PUM3: variants seen among roughly 807,000 people sequenced by gnomAD.
PUM3 encodes pumilio RNA binding family member 3, also known as pumilio homolog 3.
A neutral mutation model predicts 84.0 loss-of-function variants in PUM3; 91 were observed. That is an observed-to-expected ratio of 1.08 (90% CI 0.91 to 1.29). PUM3 has a LOEUF of 1.29. Among genes scored for constraint, PUM3 ranks in the 50% most tolerant of loss-of-function variants. The pLI, the probability that PUM3 is intolerant of heterozygous loss-of-function variation, is 0.00. For synonymous variants in PUM3, 321 were observed against 266.7 expected (o/e 1.20, Z -1.98); for missense variants, 1,067 against 767.5 (o/e 1.39, Z -4.61).
At chr9:2,816,552 T>A (rs990966664) in intron 13 of PUM3, among the ~76,000 whole-genome samples, 1 of 152,208 alleles carries the variant, frequency 6.6e-6, no homozygotes, top group Admixed American at 6.5e-5. Context: ...AATGTGAAGA[T>A]CTATCGCCAT....
Position 2,829,745 on chromosome 9 carries a change from T to C in PUM3, c.852+29A>G, listed in dbSNP as rs757455982. 2.5e-5 allele frequency: 40 copies of C among 1,581,408 alleles called. 1 individual carries two copies. Among genetic ancestry groups the C allele is most frequent in the South Asian group, 8.0e-5 (7 of 87,942 alleles). ...GGAAGAGCATATCGAAAAGTAAAAA[T>C]ACTAGAAAAAGACTTCTGGAGATGT... On this transcript the variant is annotated intron_variant, in intron 8 of 17. Coordinates refer to ENST00000397885, the MANE Select transcript of PUM3 (RefSeq NM_014878.5).
At chr9:2,829,541 G>C (rs762727051) in intron 8 of PUM3, among the ~76,000 whole-genome samples, 8 of 152,190 alleles carry the variant, frequency 5.3e-5, no homozygotes, top group Non-Finnish European at 8.8e-5. Flanking sequence ...GCACTCAGGA[G>C]AGGAACAAAG....
intron 12 of PUM3, among the ~76,000 whole-genome samples, chr9:2,821,723 C>G (rs989172187): frequency 6.6e-6 from 1 of 152,106 alleles, no homozygotes; most frequent in African/African-American, 2.4e-5. Context: ...ATTTAAAATG[C>G]AGGTATGAGC....
chr9:2,809,538 A>G (rs1293136566), intron 16 of PUM3, among the ~76,000 whole-genome samples: 1 of 152,194 alleles, frequency 6.6e-6, no homozygotes, highest in African/African-American at 2.4e-5. Flanking sequence ...CTACTGCTAT[A>G]CTGATTGCCA....
chr9:2,816,275 G>A (rs1821467714), intron 13 of PUM3, among the ~76,000 whole-genome samples: 1 of 152,138 alleles, frequency 6.6e-6, no homozygotes, highest in Non-Finnish European at 1.5e-5. Context: ...GAAATATAGA[G>A]GGCAGGTTAG....
chr9:2,838,622 C>G (rs1782057120), intron 1 of PUM3, 105 bp from the exon 2 acceptor site: 1 of 678,564 alleles, frequency 1.5e-6, no homozygotes, highest in South Asian at 1.8e-5. Context: ...TCTACAAATA[C>G]AATACAAATC....
chr9:2,811,289 C>T, intron 15 of PUM3, 72 bp downstream of exon 15: 3 of 1,283,084 alleles, frequency 2.3e-6, no homozygotes, highest in Non-Finnish European at 3.4e-6. Flanking sequence ...CTTACTGACA[C>T]CCCACATCGT....
chr9:2,818,317 T>A (rs1319852988), intron 13 of PUM3, among the ~76,000 whole-genome samples: 2 of 152,310 alleles, frequency 1.3e-5, no homozygotes, highest in South Asian at 4.1e-4. Context: ...TATGAGAAAG[T>A]CGTTAAGAAT....
chr9:2,834,247 A>T, intron 3 of PUM3, 81 bp from the exon 4 acceptor site: 1 of 1,221,774 alleles, frequency 8.2e-7, no homozygotes, highest in Non-Finnish European at 1.2e-6. Context: ...AAAAAGGGCA[A>T]TCACTAATCA....
chr9:2,811,270 C>T (rs964548787), intron 15 of PUM3, 91 bp downstream of exon 15: 3 of 991,882 alleles, frequency 3.0e-6, no homozygotes, highest in Admixed American at 1.9e-5. Context: ...TATCTCCCTC[C>T]CCAGCTTTCT....
Position 2,811,366 on chromosome 9 carries a change from C to T in PUM3, c.1630G>A (p.Gly544Arg). 2.5e-6 allele frequency: 4 copies of T among 1,613,860 alleles called. No individual in the cohort carries two copies. The highest frequency in any genetic ancestry group is 2.5e-6 in the Non-Finnish European group (3 of 1,179,980). The part of the protein sequence containing the change: ...ATGLHPGGKD[G>R]ELHIAEHPAG... ...GTGCTTTAATGGCACATTACCTCTC[C>T]GTCCTTGCCACCAGGATGCAGTCCT... The change falls in exon 15 of 18, where the codon GGA (glycine) becomes AGA (arginine). Residue 544 changes from glycine (G) to arginine (R), a missense_variant. Physicochemically the swap from Gly to Arg is moderately radical, Grantham distance 125. Coordinates refer to ENST00000397885, the MANE Select transcript of PUM3 (RefSeq NM_014878.5).
At chr9:2,816,756 G>GA (rs1821478033) in intron 13 of PUM3, among the ~76,000 whole-genome samples, 1 of 152,188 alleles carries the variant, frequency 6.6e-6, no homozygotes, top group South Asian at 2.1e-4. Flanking sequence ...ACTGCTCAAG[G>GA]AAAGGATGGC....
At position 2,804,435 on chromosome 9, in the gene PUM3, C is replaced by A. The variant is rs770530535; in HGVS notation, c.1843G>T (p.Ala615Ser). The A allele has an allele frequency of 2.5e-6, 4 of 1,613,780 alleles. No homozygotes were observed. Among genetic ancestry groups the A allele is most frequent in the Non-Finnish European group, 3.4e-6 (4 of 1,179,878 alleles). The change falls in exon 18 of 18, where the codon GCA becomes TCA. Residue 615 changes from alanine (A) to serine (S), a missense_variant. Coordinates refer to ENST00000397885, the MANE Select transcript of PUM3 (RefSeq NM_014878.5). ...TTCAGTGCAGCTTTGACTTTGTTTG[C>A]AACTTCCAGGTCACAACTCTGGAGG... is the stretch of plus-strand genomic sequence containing the variant. ...SLLQSCDLEVANKVKAALKSL... is the reference protein window; with the variant it reads ...SLLQSCDLEVSNKVKAALKSL...
chr9:2,816,611 C>A (rs1441632228), intron 13 of PUM3, among the ~76,000 whole-genome samples: 9 of 152,170 alleles, frequency 5.9e-5, no homozygotes, highest in Non-Finnish European at 1.3e-4. Flanking sequence ...CACCACCTTG[C>A]AGAGGGTGTG....
chr9:2,821,369 G>C (rs1329249168), intron 12 of PUM3, among the ~76,000 whole-genome samples: 1 of 145,442 alleles, frequency 6.9e-6, no homozygotes, highest in Non-Finnish European at 1.5e-5. Context: ...GCGTGAACCT[G>C]GGAGGCGGAG....
intron 3 of PUM3, among the ~76,000 whole-genome samples, chr9:2,835,620 T>C (rs1447675287): frequency 6.6e-6 from 1 of 152,290 alleles, no homozygotes; most frequent in African/African-American, 2.4e-5. Context: ...ATATTTACCA[T>C]TATATTAATA....
intron 5 of PUM3, among the ~76,000 whole-genome samples, chr9:2,832,437 A>C (rs1240111774): frequency 6.6e-6 from 1 of 152,190 alleles, no homozygotes; most frequent in East Asian, 1.9e-4. Context: ...ACAGTAAACG[A>C]CACAATGCAT....
chr9:2,832,277 G>C (rs1816004014), intron 5 of PUM3, among the ~76,000 whole-genome samples: 1 of 152,064 alleles, frequency 6.6e-6, no homozygotes, highest in African/African-American at 2.4e-5. Context: ...ATAACTCAAA[G>C]CAACAATAAG....
chr9:2,806,729 T>C (rs1019771741), intron 17 of PUM3, among the ~76,000 whole-genome samples: 9 of 152,222 alleles, frequency 5.9e-5, no homozygotes, highest in Non-Finnish European at 4.4e-5. Flanking sequence ...AAAGAGGCCA[T>C]AGCTCATCAC....
Sources: gnomAD v4.1 joint callset for allele counts (sites outside exome capture counted in the v4.1 genomes callset) on GRCh38, gnomAD v4.1.1 for gene constraint, MANE v1.5 for transcripts, NCBI Gene and HGNC (gene_info 2026-07-23, HGNC 2026-07-21) for gene names.